POLA1: variants seen among roughly 807,000 people sequenced by gnomAD.
POLA1 encodes the protein DNA polymerase alpha 1, catalytic subunit, also known as DNA polymerase alpha catalytic subunit.
Under a neutral mutation model 124.0 loss-of-function variants are expected in POLA1, and 15 were observed. The ratio of observed to expected loss-of-function variants is 0.12; its 90% CI spans 0.08 to 0.19. POLA1 has a LOEUF of 0.19. Among genes scored for constraint, POLA1 ranks in the 10% least tolerant of loss-of-function variants. The probability of loss-of-function intolerance (pLI) is 1.00; values close to 1 mark genes in which losing one functional copy is unlikely to be tolerated. For synonymous variants in POLA1, 408 were observed against 389.4 expected, an observed-to-expected ratio of 1.05 and a Z score of -0.56; for missense variants, 886 against 1,103.4, an observed-to-expected ratio of 0.80 and a Z score of 2.79.
At chrX:24,739,785 G>A (rs112376243) in intron 20 of POLA1, among the ~76,000 whole-genome samples, 1 of 112,086 alleles carries the variant, frequency 8.9e-6, no homozygotes, top group African/African-American at 3.2e-5. Context: ...ACAGTAGTTT[G>A]GATTTAGATT....
chrX:24,951,649 T>C (rs1475997736), intron 36 of POLA1, among the ~76,000 whole-genome samples: 1 of 111,446 alleles, frequency 9.0e-6, no homozygotes, highest in Non-Finnish European at 1.9e-5. Flanking sequence ...TAAAAATGTA[T>C]TTCTGTGTCC....
intron 36 of POLA1, among the ~76,000 whole-genome samples, chrX:24,993,803 G>A (rs1297615765): frequency 8.9e-6 from 1 of 111,829 alleles, no homozygotes; most frequent in Non-Finnish European, 1.9e-5. Context: ...TCTAACTGGC[G>A]TGGAATGGTG....
rs1331189009 is a variant in POLA1, at chrX:24,943,894, T to C, written c.4261+13345T>C. On this transcript the variant is annotated intron_variant, in intron 36 of 36. Transcript: ENST00000379068. ...ACCATGTAATTAGCTATTCCAGACA[T>C]GGACTAACGGGAAATACCAAAGGGC... 9.0e-5 allele frequency among the ~76,000 whole-genome samples: 10 copies of C among 111,709 alleles called. No homozygotes were observed. In the East Asian group the frequency reaches 2.8e-3, roughly 32 times the overall value.
At chrX:24,824,771 G>A (rs2046145856) in intron 31 of POLA1, among the ~76,000 whole-genome samples, 1 of 111,146 alleles carries the variant, frequency 9.0e-6, no homozygotes, top group Non-Finnish European at 1.9e-5. Context: ...AGTCTTTTGT[G>A]TGAATATTTA....
At chrX:24,768,166 T>C (rs1407887591) in intron 26 of POLA1, among the ~76,000 whole-genome samples, 1 of 112,529 alleles carries the variant, frequency 8.9e-6, no homozygotes, top group Non-Finnish European at 1.9e-5. Flanking sequence ...GTGTGTGTCA[T>C]CCTGGGTTGG....
chrX:24,779,817 CACA>C (rs1050841785), intron 26 of POLA1, among the ~76,000 whole-genome samples: 5 of 112,196 alleles, frequency 4.5e-5, no homozygotes, highest in African/African-American at 1.6e-4. Context: ...CACAAAGTCA[CACA>C]ACTAGTAATG....
At chrX:24,775,841 ACTCAT>A (rs2045129551) in intron 26 of POLA1, among the ~76,000 whole-genome samples, 1 of 111,668 alleles carries the variant, frequency 9.0e-6, no homozygotes, top group Admixed American at 9.5e-5. Flanking sequence ...AGATTTTTAG[ACTCAT>A]CTCATTTAGG....
At chrX:24,757,436 CTTTTTTT>C (rs66782103) in intron 26 of POLA1, among the ~76,000 whole-genome samples, 33 of 62,143 alleles carry the variant, frequency 5.3e-4, no homozygotes, top group Non-Finnish European at 7.5e-4. Flanking sequence ...AAATCTGAAA[CTTTTTTT>C]TTTTTTTTTT....
intron 36 of POLA1, among the ~76,000 whole-genome samples, chrX:24,945,272 C>G (rs1344546378): frequency 3.6e-5 from 4 of 112,593 alleles, no homozygotes; most frequent in African/African-American, 1.3e-4. Flanking sequence ...AATACTTTGT[C>G]TAAACGACTA....
intron 34 of POLA1, among the ~76,000 whole-genome samples, chrX:24,873,795 T>G (rs907844191): frequency 4.5e-5 from 5 of 112,136 alleles, no homozygotes; most frequent in African/African-American, 1.6e-4. Flanking sequence ...TAATAATATT[T>G]AAAATTTAAA....
intron 36 of POLA1, among the ~76,000 whole-genome samples, chrX:24,968,571 C>T (rs980297485): frequency 5.5e-5 from 6 of 109,587 alleles, no homozygotes; most frequent in Admixed American, 9.7e-5. Flanking sequence ...TGCGTGGTGG[C>T]GGGTGCCTGT....
chrX:24,822,902 A>G (rs1377817569), intron 31 of POLA1, among the ~76,000 whole-genome samples: 2 of 111,898 alleles, frequency 1.8e-5, no homozygotes, highest in East Asian at 5.6e-4. Context: ...ATATAGGTTC[A>G]GTGAAATAGC....
intron 26 of POLA1, among the ~76,000 whole-genome samples, chrX:24,759,076 A>G (rs1451769576): frequency 9.0e-6 from 1 of 111,693 alleles, no homozygotes; most frequent in Non-Finnish European, 1.9e-5. Context: ...CTAAGTGTCA[A>G]AGGTAATAAG....
chrX:24,708,991 C>T (rs1319529351), intron 4 of POLA1, among the ~76,000 whole-genome samples: 11 of 88,668 alleles, frequency 1.2e-4, no homozygotes, highest in East Asian at 4.1e-4. Context: ...ACCTCCCGGA[C>T]GGGGCGGCTG....
chrX:24,919,206 G>C (rs1195029451), intron 35 of POLA1, among the ~76,000 whole-genome samples: 1 of 111,913 alleles, frequency 8.9e-6, no homozygotes, highest in East Asian at 2.8e-4. Context: ...GCTTTACTTA[G>C]CTCCTTTCTT....
chrX:24,714,819 A>G, intron 5 of POLA1, 150 bp downstream of exon 5: 1 of 436,584 alleles, frequency 2.3e-6, no homozygotes, highest in Non-Finnish European at 4.0e-6. Context: ...TAAGTGAATT[A>G]AGGCACCTCA....
chrX:24,697,760 CTTCTT>C (rs1427422476), intron 1 of POLA1, among the ~76,000 whole-genome samples: 1 of 110,914 alleles, frequency 9.0e-6, no homozygotes, highest in Admixed American at 9.7e-5. Context: ...CTTATCCATA[CTTCTT>C]TTCTTTGCCT....
In POLA1 at chrX:24,967,163, T is replaced by C. The variant is rs62585346; in HGVS notation, c.4262-28642T>C. Among the ~76,000 whole-genome samples, 475 of 110,708 alleles carry C rather than the reference T, an allele frequency of 4.3e-3. 1 individual carries two copies. Among genetic ancestry groups the C allele is most frequent in the Non-Finnish European group, 7.6e-3 (404 of 52,852 alleles). On this transcript the variant is annotated intron_variant, in intron 36 of 36. Coordinates refer to ENST00000379068, the MANE Select transcript of POLA1 (RefSeq NM_001330360.2). Reference sequence around the variant, plus strand: ...GATACGTTCCGGTTCTTTGAGAACTTTCACAGAACATTTTTCTTTTGTTCT... The same window carrying C: ...GATACGTTCCGGTTCTTTGAGAACTCTCACAGAACATTTTTCTTTTGTTCT...
intron 2 of POLA1, among the ~76,000 whole-genome samples, chrX:24,701,534 C>T (rs995614753): frequency 9.3e-6 from 1 of 107,016 alleles, no homozygotes; most frequent in Non-Finnish European, 1.9e-5. Context: ...TTCCCAGGTT[C>T]AAGCGATTGT....
Sources: allele counts gnomAD v4.1 joint callset (sites outside exome capture counted in the v4.1 genomes callset), GRCh38; gene constraint gnomAD v4.1.1; transcripts MANE v1.5; gene names NCBI Gene and HGNC (gene_info 2026-07-23, HGNC 2026-07-21).